ASIC3: variants seen among roughly 807,000 people sequenced by gnomAD.
ASIC3 encodes the protein acid-sensing ion channel 3.
In ASIC3, 46 loss-of-function variants were observed where a neutral mutation model predicts 58.6. That is an observed-to-expected ratio of 0.79 (90% confidence interval 0.62 to 1.00). The LOEUF (loss-of-function observed/expected upper bound fraction) is 1.00, where lower values mean the gene tolerates loss of function less well. Ranked by LOEUF, ASIC3 falls within the 50% of genes least tolerant of loss-of-function variation. The pLI, the probability that ASIC3 is intolerant of heterozygous loss-of-function variation, is 0.00. For missense variants in ASIC3, 770 were observed against 735.0 expected (o/e 1.05, Z -0.55); for synonymous variants, 336 against 300.2 (o/e 1.12, Z -1.23).
intron 1 of ASIC3, 43 bp downstream of exon 1, chr7:151,049,462 C>G: frequency 6.5e-7 from 1 of 1,532,654 alleles, no homozygotes; most frequent in Non-Finnish European, 8.8e-7. Context: ...ACCCAGAGAG[C>G]CGACCAGTCC....
In ASIC3 at chr7:151,050,729, G is replaced by A. The variant is rs535538081; in HGVS notation, c.814-29G>A. 127 of 1,609,756 alleles carry A rather than the reference G, an allele frequency of 7.9e-5. No individual in the cohort carries two copies. In the East Asian group the frequency reaches 1.1e-3, roughly 14 times the overall value. On this transcript the variant is annotated intron_variant, in intron 3 of 10. Transcript: ENST00000349064. ...CCAGCTGGCCTCTCACGCTCTCCGG[G>A]AAGCCTCCTTAACCCTGTCCCCCCA...
rs145339468 is a variant in ASIC3 at position 151,052,202 on chromosome 7, C to G, written c.1423C>G (p.Arg475Gly). 1 of 1,614,012 alleles carries G rather than the reference C, an allele frequency of 6.2e-7. No homozygotes were observed. Among genetic ancestry groups the G allele is most frequent in the Non-Finnish European group, 8.5e-7 (1 of 1,179,986 alleles). Residue 475 changes from arginine to glycine, a missense_variant, in exon 9 of 11, where the codon CGA becomes GGA. Physicochemically the swap from Arg to Gly is moderately radical, Grantham distance 125. Coordinates refer to ENST00000349064, the MANE Select transcript of ASIC3 (RefSeq NM_004769.4). The surrounding 1 kb of genome is among the most constrained non-coding windows in gnomAD (Gnocchi z 5.0). ...RDKVLGYFWN[R>G]QHSQRHSSTN... is the part of the protein sequence containing the mutation. ...CAAGGTCCTGGGATATTTCTGGAACCGACAGCACTCCCAAAGGCACTCCAG... is the reference window on the plus strand; with the variant it reads ...CAAGGTCCTGGGATATTTCTGGAACGGACAGCACTCCCAAAGGCACTCCAG...
chr7:151,051,234 A>G lies in ASIC3; in HGVS notation c.1129A>G (p.Lys377Glu). ...CCCGTGCGCCAGCACGCGCTACGCC[A>G]AGGAGCTCTCCATGGTGCGGATCCC... ...PNPCASTRYAKELSMVRIPSR... is the reference protein window; with the variant it reads ...PNPCASTRYAEELSMVRIPSR... Residue 377 changes from lysine to glutamate, a missense_variant, in exon 6 of 11, where the codon AAG (lysine) becomes GAG (glutamate). Coordinates refer to ENST00000349064, the MANE Select transcript of ASIC3 (RefSeq NM_004769.4). 3 of 1,572,054 alleles carry G rather than the reference A, an allele frequency of 1.9e-6. No homozygotes were observed. Among genetic ancestry groups the G allele is most frequent in the Non-Finnish European group, 2.6e-6 (3 of 1,166,540 alleles).
rs1376299254 is a variant in ASIC3, at chr7:151,051,154, C to T, written c.1067-18C>T. 5 of 1,596,226 alleles carry T rather than the reference C, an allele frequency of 3.1e-6. No individual in the cohort carries two copies. Among genetic ancestry groups the T allele is most frequent in the African/African-American group, 1.3e-5 (1 of 74,494 alleles). ...CCGCTCCGCCCGCGGGCGTCTGACG[C>T]GGCCCGGTGGCCCGCAGATGCCATG... On this transcript the variant is annotated intron_variant, in intron 5 of 10. Coordinates refer to ENST00000349064, the MANE Select transcript of ASIC3 (RefSeq NM_004769.4).
chr7:151,048,502 C>A (rs374818749), upstream of ASIC3: 5 of 231,916 alleles, frequency 2.2e-5, no homozygotes, highest in African/African-American at 1.1e-4. Context: ...CTGTCGGCCC[C>A]CTTTCCCCCC....
chr7:151,048,869 G>T lies in ASIC3; in HGVS notation c.-17G>T. On this transcript the variant is annotated 5_prime_UTR_variant, in exon 1 of 11. Coordinates refer to ENST00000349064, the MANE Select transcript of ASIC3 (RefSeq NM_004769.4). ...CTTCCAAGCCTCTGTAGCTGGTTCC[G>T]CTCCTGGGTTCTGGCCATGAAGCCC... The T allele has an allele frequency of 2.0e-6, 3 of 1,531,704 alleles. No individual in the cohort carries two copies. Among genetic ancestry groups the T allele is most frequent in the Non-Finnish European group, 2.6e-6 (3 of 1,138,292 alleles). 94.9% of individuals were successfully genotyped at this position (1,531,704 alleles called of 1,614,324 possible).
intron 6 of ASIC3, 24 bp downstream of exon 6, chr7:151,051,343 C>T (rs1394847704): frequency 6.9e-7 from 1 of 1,455,760 alleles, no homozygotes; most frequent in East Asian, 2.8e-5. Flanking sequence ...GGCGGGCGGG[C>T]TCCTCCGAGC....
chr7:151,051,367 CG>C, intron 6 of ASIC3, 48 bp downstream of exon 6: 4 of 1,422,560 alleles, frequency 2.8e-6, no homozygotes, highest in Non-Finnish European at 2.7e-6. Context: ...GGGCTCCCGA[CG>C]GGGCGGAACG....
chr7:151,050,997 G>T (rs1796760434), intron 4 of ASIC3, 42 bp from the exon 5 acceptor site: 1 of 1,613,062 alleles, frequency 6.2e-7, no homozygotes, highest in South Asian at 1.1e-5. Flanking sequence ...AGGGCCCAGG[G>T]AGCTGAGGCT....
At position 151,049,007 on chromosome 7, in the gene ASIC3, G is replaced by A. The variant is rs371490651; in HGVS notation, c.122G>A (p.Arg41His). 1.1e-4 allele frequency: 172 copies of A among 1,612,230 alleles called. No individual in the cohort carries two copies. The highest frequency in any genetic ancestry group is 1.9e-4 in the South Asian group (17 of 91,064). Residue 41 changes from arginine to histidine, a missense_variant, in exon 1 of 11, where the codon CGC becomes CAC. Coordinates refer to ENST00000349064, the MANE Select transcript of ASIC3 (RefSeq NM_004769.4). ...HVFGPGSLSL[R>H]RGMWAAAVVL... ...TTCGGGCCAGGCAGCCTGAGCCTGC[G>A]CCGGGGGATGTGGGCAGCGGCCGTG...
rs1356572170 is a variant in ASIC3 at position 151,050,804 on chromosome 7, T to C, written c.860T>C (p.Leu287Pro). Residue 287 changes from leucine to proline, a missense_variant, in exon 4 of 11, where the codon CTG becomes CCG. Leu to Pro is a moderately conservative substitution (Grantham distance 98). Coordinates refer to ENST00000349064, the MANE Select transcript of ASIC3 (RefSeq NM_004769.4). ...PPWGDCSSASLNPNYEPEPSD... is the reference protein window; with the variant it reads ...PPWGDCSSASPNPNYEPEPSD... Reference sequence around the variant, plus strand: ...TGGGGCGATTGCAGTTCAGCATCTCTGAACCCCAACTATGAGCCAGAGCCC... The same window carrying C: ...TGGGGCGATTGCAGTTCAGCATCTCCGAACCCCAACTATGAGCCAGAGCCC... The C allele has an allele frequency of 6.2e-7, 1 of 1,613,724 alleles. No homozygotes were observed.
At chr7:151,050,054 G>A (rs1489288933) in intron 1 of ASIC3, 52 bp from the exon 2 acceptor site, 12 of 1,612,318 alleles carry the variant, frequency 7.4e-6, no homozygotes, top group Middle Eastern at 1.8e-4. Flanking sequence ...GAGGTCCCAT[G>A]ACCATGTGCC....
In ASIC3 at chr7:151,049,079, G is replaced by C; in HGVS notation, c.194G>C (p.Arg65Pro). 2 of 1,613,840 alleles carry C rather than the reference G, an allele frequency of 1.2e-6. No individual in the cohort carries two copies. The highest frequency in any genetic ancestry group is 1.7e-6 in the Non-Finnish European group (2 of 1,179,894). The stretch of plus-strand genomic sequence containing the variant: ...CTCTACCAGGTGGCTGAGAGGGTGC[G>C]CTACTACAGGGAGTTCCACCACCAG... Reference protein sequence around the residue: ...TFLYQVAERVRYYREFHHQTA... With the variant: ...TFLYQVAERVPYYREFHHQTA... The change falls in exon 1 of 11, where the codon CGC (arginine) becomes CCC (proline). Residue 65 changes from arginine to proline, a missense_variant. Transcript: ENST00000349064.
At chr7:151,049,808 G>A (rs956953448) in intron 1 of ASIC3, among the ~76,000 whole-genome samples, 6 of 152,186 alleles carry the variant, frequency 3.9e-5, no homozygotes, top group African/African-American at 1.4e-4. Context: ...CATACTGCCA[G>A]CCCCGGAGGA....
Position 151,048,766 on chromosome 7 carries a change from C to G in ASIC3, c.-120C>G, listed in dbSNP as rs1169236413. 7.8e-7 allele frequency: 1 copy of G among 1,285,580 alleles called. No homozygotes were observed. Among genetic ancestry groups the G allele is most frequent in the Non-Finnish European group, 1.1e-6 (1 of 931,466 alleles). The allele number at this position is 1,285,580 out of a possible 1,614,324, so 79.6% of individuals were successfully genotyped here. ...CTTCCAACCTTGGCTGTCTCCCACC[C>G]TCTCTTCTCCTCTCCTTGCCTGGCC... is the stretch of plus-strand genomic sequence containing the variant. On this transcript the variant is annotated 5_prime_UTR_variant, in exon 1 of 11. Coordinates refer to ENST00000349064, the MANE Select transcript of ASIC3 (RefSeq NM_004769.4).
In ASIC3 at chr7:151,050,856, CA is replaced by C. The variant is rs1299682157; in HGVS notation, c.913del (p.Ser305AlafsTer51). On this transcript the variant is annotated frameshift_variant, in exon 4 of 11. Transcript: ENST00000349064. LOFTEE classifies it high-confidence loss of function. Reference protein sequence around the residue: ...PSDPLGSPSPSPSPPYTLMGC... With the variant: ...PSDPLGSPSPXPSPPYTLMGC... ...CTGATCCCCTAGGCTCCCCCAGCCC[CA>C]GCCCCAGCCCTCCCTATACCCTTAT... The C allele has an allele frequency of 1.2e-6, 2 of 1,613,112 alleles. No individual in the cohort carries two copies. Among genetic ancestry groups the C allele is most frequent in the East Asian group, 4.5e-5 (2 of 44,850 alleles).
At position 151,050,106 on chromosome 7, in the gene ASIC3, A is replaced by C; in HGVS notation, c.535A>C (p.Ile179Leu). The C allele has an allele frequency of 6.2e-7, 1 of 1,614,094 alleles. No homozygotes were observed. The highest frequency in any genetic ancestry group is 8.5e-7 in the Non-Finnish European group (1 of 1,180,008). ...CCATCACCCTGTCTGCCCGCCCCAG[A>C]TCTTCACCCGGATGGGAAAGTGCTA... ...QPCGPENFTT[I>L]FTRMGKCYTF... Residue 179 changes from isoleucine (I) to leucine (L), a missense_variant and splice_region_variant, in exon 2 of 11, where the codon ATC (isoleucine) becomes CTC (leucine). Physicochemically the swap from Ile to Leu is conservative, Grantham distance 5 (BLOSUM62 2). Transcript: ENST00000349064.
chr7:151,049,054 C>T lies in ASIC3; in HGVS notation c.169C>T (p.Leu57Phe), dbSNP rs1211474117. 10 of 1,613,808 alleles carry T rather than the reference C, an allele frequency of 6.2e-6. No individual in the cohort carries two copies. Among genetic ancestry groups the T allele is most frequent in the Non-Finnish European group, 6.8e-6 (8 of 1,179,912 alleles). ...CGTGGTCCTGTCAGTGGCCACCTTC[C>T]TCTACCAGGTGGCTGAGAGGGTGCG... ...AAVVLSVATF[L>F]YQVAERVRYY... Residue 57 changes from leucine (L) to phenylalanine (F), a missense_variant, in exon 1 of 11, where the codon CTC (leucine) becomes TTC (phenylalanine). Transcript: ENST00000349064.
intron 6 of ASIC3, 76 bp downstream of exon 6, chr7:151,051,395 A>G: frequency 2.9e-6 from 4 of 1,397,750 alleles, no homozygotes; most frequent in Non-Finnish European, 3.7e-6. Context: ...GCCAGGCCGT[A>G]GCCCTAGTGC....
Sources: gnomAD v4.1 joint callset for allele counts (sites outside exome capture counted in the v4.1 genomes callset) on GRCh38, gnomAD v4.1.1 for gene constraint, Gnocchi (gnomAD v3.1) non-coding constraint, MANE v1.5 for transcripts, NCBI Gene and HGNC (gene_info 2026-07-23, HGNC 2026-07-21) for gene names.